Variants in AGBL4 observed in about 807,000 individuals in gnomAD.
AGBL4 encodes AGBL carboxypeptidase 4.
In AGBL4, 58 loss-of-function variants were observed where a neutral mutation model predicts 66.4. The ratio of observed to expected loss-of-function variants is 0.87; its 90% CI spans 0.71 to 1.09. The LOEUF is 1.09. Among genes scored for constraint, AGBL4 ranks in the 50% least tolerant of loss-of-function variants. The pLI is 0.00. For synonymous variants in AGBL4, 234 were observed against 222.9 expected (o/e 1.05, Z -0.44); for missense variants, 579 against 631.0 (o/e 0.92, Z 0.88).
intron 8 of AGBL4, among the ~76,000 whole-genome samples, chr1:48,635,967 G>A (rs1570086456): frequency 6.6e-6 from 1 of 152,300 alleles, no homozygotes; most frequent in Non-Finnish European, 1.5e-5. Flanking sequence ...TTGTAATAGT[G>A]TTATAACATG....
intron 5 of AGBL4, among the ~76,000 whole-genome samples, chr1:48,979,515 G>A (rs559801923): frequency 2.7e-4 from 41 of 152,176 alleles, no homozygotes; most frequent in African/African-American, 8.7e-4. Flanking sequence ...AGTGATAAGC[G>A]ATAAGGTATA....
intron 4 of AGBL4, among the ~76,000 whole-genome samples, chr1:49,057,388 A>C (rs1644326755): frequency 6.6e-6 from 1 of 152,196 alleles, no homozygotes; most frequent in Admixed American, 6.5e-5. Flanking sequence ...ACAGCACTGC[A>C]GCCTGGGTAA....
In AGBL4 at chr1:48,849,844, G is replaced by GTGCCTGT. The variant is rs542195449; in HGVS notation, c.634+17340_634+17346dup. On this transcript the variant is annotated intron_variant, in intron 6 of 13. Coordinates refer to ENST00000371839, the MANE Select transcript of AGBL4 (RefSeq NM_032785.4). ...AAAAATTAGCTGGGTGTGGTGGCATGTGCCTGTAGTCCCAGCTACTTGGCA... is the reference window on the plus strand; with the variant it reads ...AAAAATTAGCTGGGTGTGGTGGCATGTGCCTGTTGCCTGTAGTCCCAGCTACTTGGCA... Among the ~76,000 whole-genome samples, 546 of 152,232 alleles carry GTGCCTGT rather than the reference G, an allele frequency of 3.6e-3. 3 individuals carry two copies. The highest frequency in any genetic ancestry group is 0.012 in the African/African-American group (516 of 41,530).
intron 3 of AGBL4, among the ~76,000 whole-genome samples, chr1:49,629,700 C>A (rs1050437559): frequency 1.3e-5 from 2 of 152,120 alleles, no homozygotes; most frequent in African/African-American, 4.8e-5. Flanking sequence ...CCCTGTTCCT[C>A]AGTGTACAGT....
At chr1:49,944,673 C>T (rs978480235) in intron 1 of AGBL4, among the ~76,000 whole-genome samples, 1 of 151,902 alleles carries the variant, frequency 6.6e-6, no homozygotes, top group Admixed American at 6.6e-5. Context: ...AAAAAAATTA[C>T]ACTAGCTCAC....
At chr1:48,662,610 A>G (rs1646126000) in intron 7 of AGBL4, among the ~76,000 whole-genome samples, 1 of 152,252 alleles carries the variant, frequency 6.6e-6, no homozygotes, top group South Asian at 2.1e-4. Flanking sequence ...AAGTGCAATT[A>G]TAAACAGAAA....
chr1:49,571,869 G>C (rs1007578090), intron 3 of AGBL4, among the ~76,000 whole-genome samples: 2 of 152,070 alleles, frequency 1.3e-5, no homozygotes, highest in Admixed American at 1.3e-4. Context: ...ATACATCACA[G>C]TTATTTACTT....
chr1:48,804,382 G>T (rs1645876019), intron 6 of AGBL4, among the ~76,000 whole-genome samples: 2 of 152,172 alleles, frequency 1.3e-5, no homozygotes, highest in Admixed American at 6.5e-5. Flanking sequence ...CAACAATTCT[G>T]AGAGTGAAGT....
intron 3 of AGBL4, among the ~76,000 whole-genome samples, chr1:49,683,420 A>G (rs536978928): frequency 6.6e-6 from 1 of 152,316 alleles, no homozygotes; most frequent in African/African-American, 2.4e-5. Context: ...AGCCACAGGC[A>G]CTCATTATAT....
intron 2 of AGBL4, among the ~76,000 whole-genome samples, chr1:49,826,161 A>G (rs1335498314): frequency 6.6e-6 from 1 of 152,174 alleles, no homozygotes; most frequent in African/African-American, 2.4e-5. Context: ...TCTTCAGGAA[A>G]AATTATAAAA....
chr1:49,780,364 A>G (rs1340517151), intron 2 of AGBL4, among the ~76,000 whole-genome samples: 1 of 152,192 alleles, frequency 6.6e-6, no homozygotes, highest in African/African-American at 2.4e-5. Flanking sequence ...ACAAAGCTGT[A>G]CTGGAAAAGA....
intron 13 of AGBL4, 124 bp downstream of exon 13, chr1:48,534,766 A>C: frequency 9.4e-7 from 1 of 1,063,298 alleles, no homozygotes; most frequent in Non-Finnish European, 1.4e-6. Context: ...CACTGCCTGA[A>C]AATCCACATT....
At chr1:48,739,044 C>A (rs1358826663) in intron 6 of AGBL4, among the ~76,000 whole-genome samples, 1 of 152,174 alleles carries the variant, frequency 6.6e-6, no homozygotes, top group Non-Finnish European at 1.5e-5. Context: ...TTGCTGCCAC[C>A]ACGGTGGTAC....
chr1:48,677,571 C>T (rs1646386132), intron 6 of AGBL4, among the ~76,000 whole-genome samples: 1 of 152,174 alleles, frequency 6.6e-6, no homozygotes, highest in Non-Finnish European at 1.5e-5. Context: ...GGCTGGCACT[C>T]TGATCTCTGT....
chr1:49,008,188 T>G (rs1163758887), intron 5 of AGBL4, among the ~76,000 whole-genome samples: 3 of 151,530 alleles, frequency 2.0e-5, no homozygotes, highest in African/African-American at 4.8e-5. Flanking sequence ...GAAGATCTAC[T>G]AAGCAAATGG....
chr1:49,641,605 T>C (rs996845238), intron 3 of AGBL4, among the ~76,000 whole-genome samples: 3 of 152,084 alleles, frequency 2.0e-5, no homozygotes, highest in Non-Finnish European at 4.4e-5. Flanking sequence ...AGACGAGTAA[T>C]GGTTCAACTG....
chr1:48,842,838 T>C, intron 6 of AGBL4, among the ~76,000 whole-genome samples: 1 of 152,074 alleles, frequency 6.6e-6, no homozygotes, highest in Non-Finnish European at 1.5e-5. Flanking sequence ...TATTCAGCTT[T>C]AAAAAGGAAG....
intron 6 of AGBL4, among the ~76,000 whole-genome samples, chr1:48,697,467 A>T (rs999323934): frequency 6.6e-6 from 1 of 152,194 alleles, no homozygotes; most frequent in African/African-American, 2.4e-5. Flanking sequence ...CATTTTACAG[A>T]TAGGTAAAGT....
chr1:48,875,819 C>CT (rs1171222661), intron 5 of AGBL4, among the ~76,000 whole-genome samples: 1 of 152,148 alleles, frequency 6.6e-6, no homozygotes, highest in South Asian at 2.1e-4. Context: ...TATTGTTGCC[C>CT]TTTTTTACAA....
Sources: allele counts gnomAD v4.1 joint callset (sites outside exome capture counted in the v4.1 genomes callset), GRCh38; gene constraint gnomAD v4.1.1; transcripts MANE v1.5; gene names NCBI Gene and HGNC (gene_info 2026-07-23, HGNC 2026-07-21).